The following SLC30A7 variants were observed in gnomAD, a reference collection of about 807,000 sequenced individuals.
The protein encoded by SLC30A7 is solute carrier family 30 member 7, also known as zinc transporter 7.
A neutral mutation model predicts 46.0 loss-of-function variants in SLC30A7; 35 were observed. The ratio of observed to expected loss-of-function variants is 0.76; its 90% CI spans 0.58 to 1.01. The LOEUF (loss-of-function observed/expected upper bound fraction) is 1.01, where lower values mean the gene tolerates loss of function less well. Among genes scored for constraint, SLC30A7 ranks in the 50% least tolerant of loss-of-function variants. SLC30A7 has a pLI of 0.00. For missense variants in SLC30A7, 464 were observed against 451.1 expected, an observed-to-expected ratio of 1.03 and a Z score of -0.26; for synonymous variants, 147 against 157.8, an observed-to-expected ratio of 0.93 and a Z score of 0.51.
chr1:100,916,438 G>T (rs1310440132), intron 6 of SLC30A7, among the ~76,000 whole-genome samples: 1 of 152,112 alleles, frequency 6.6e-6, no homozygotes, highest in Non-Finnish European at 1.5e-5. Context: ...ACCTGCCTTG[G>T]CCTCCCGAAC....
At chr1:100,961,560 T>G (rs1275239750) in intron 8 of SLC30A7, among the ~76,000 whole-genome samples, 1 of 152,244 alleles carries the variant, frequency 6.6e-6, no homozygotes, top group African/African-American at 2.4e-5. Flanking sequence ...GTTGAAAATG[T>G]GCTGGGTTTA....
chr1:100,983,396 CA>C (rs760912885), downstream of SLC30A7, among the ~76,000 whole-genome samples: 15,388 of 116,938 alleles, frequency 0.13, 939 homozygotes, highest in Non-Finnish European at 0.17. Context: ...AAAAACAAAA[CA>C]AAACAAAACA....
chr1:100,948,995 A>G (rs924453201), intron 8 of SLC30A7, among the ~76,000 whole-genome samples: 1 of 152,062 alleles, frequency 6.6e-6, no homozygotes, highest in African/African-American at 2.4e-5. Flanking sequence ...TTTAGCTTGG[A>G]GAAGTTTGTT....
At chr1:100,913,376 A>G (rs558955171) in intron 5 of SLC30A7, among the ~76,000 whole-genome samples, 1 of 152,214 alleles carries the variant, frequency 6.6e-6, no homozygotes, top group Non-Finnish European at 1.5e-5. Flanking sequence ...TCTCAAATGA[A>G]TGAATATCAT....
Position 100,896,175 on chromosome 1 carries a change from C to G in SLC30A7, c.-88C>G. The G allele has an allele frequency of 8.6e-7, 1 of 1,169,528 alleles. No individual in the cohort carries two copies. The highest frequency in any genetic ancestry group is 1.3e-6 in the Non-Finnish European group (1 of 781,476). The allele number at this position is 1,169,528 out of a possible 1,614,324, so 72.4% of individuals were successfully genotyped here. ...GCCCCGGACAAGCGCTGGGGATTCC[C>G]GTTTGAGGCGTCACTACTGTCACTG... On this transcript the variant is annotated 5_prime_UTR_variant, in exon 1 of 11. Coordinates refer to ENST00000357650, the MANE Select transcript of SLC30A7 (RefSeq NM_133496.5).
chr1:100,900,490 T>G (rs1036297747), intron 2 of SLC30A7, among the ~76,000 whole-genome samples: 6 of 152,200 alleles, frequency 3.9e-5, no homozygotes, highest in Non-Finnish European at 8.8e-5. Context: ...TATCTTAGTC[T>G]TTTAAAATCA....
the SLC30A7 span, chr1:100,992,514 G>T: frequency 1.6e-6 from 1 of 621,056 alleles, no homozygotes; most frequent in Non-Finnish European, 2.6e-6. Flanking sequence ...AAAATGACAA[G>T]AAATAGTACA....
chr1:100,931,267 C>T (rs1653649386), intron 8 of SLC30A7, among the ~76,000 whole-genome samples: 1 of 152,158 alleles, frequency 6.6e-6, no homozygotes, highest in African/African-American at 2.4e-5. Flanking sequence ...TTCAGTACAA[C>T]TACCAATAAA....
At chr1:100,993,559 AATATATATAT>A in the SLC30A7 span, among the ~76,000 whole-genome samples, 343 of 56,538 alleles carry the variant, frequency 6.1e-3, 9 homozygotes, top group African/African-American at 0.017. Flanking sequence ...CGAAAATATA[AATATATATAT>A]ATATATATAT....
At position 100,976,578 on chromosome 1, in the gene SLC30A7, T is replaced by C. The variant is rs1463543341; in HGVS notation, c.*1721T>C. 2.0e-5 allele frequency: 3 copies of C among 152,366 alleles called. No homozygotes were observed. The highest frequency in any genetic ancestry group is 7.2e-5 in the African/African-American group (3 of 41,582). The allele number at this position is 152,366 out of a possible 1,614,324, so 9.4% of individuals were successfully genotyped here. On this transcript the variant is annotated 3_prime_UTR_variant, in exon 11 of 11. Coordinates refer to ENST00000357650, the MANE Select transcript of SLC30A7 (RefSeq NM_133496.5). ...TTTTCCCTTATACTTCATTTTACAA[T>C]ACATATTCCCTTTTAACTTAAAAAA... is the stretch of plus-strand genomic sequence containing the variant.
At chr1:100,950,858 A>G (rs1036127072) in intron 8 of SLC30A7, among the ~76,000 whole-genome samples, 1 of 152,206 alleles carries the variant, frequency 6.6e-6, no homozygotes, top group South Asian at 2.1e-4. Flanking sequence ...CAAGTAGTTT[A>G]TCTGGGAGGT....
rs1455824443 is a variant in SLC30A7, at chr1:100,915,179, TTTTCTTTTC to T, written c.655+1390_655+1398del. ...CCTTCCTCACTTCTTTTCTTTTTTC[TTTTCTTTTC>T]TTTCTTTTCTTTCTTTCTTTCTTTC... On this transcript the variant is annotated intron_variant, in intron 6 of 10. Transcript: ENST00000357650. 3.7e-4 allele frequency among the ~76,000 whole-genome samples: 30 copies of T among 80,800 alleles called. 1 individual carries two copies. In the South Asian group the frequency reaches 9.9e-3, roughly 27 times the overall value. 53.0% of individuals were successfully genotyped at this position (80,800 alleles called of 152,430 possible). A position where few individuals can be genotyped will look rare whatever the true frequency, so the allele number is the denominator to read the frequency against.
At chr1:100,944,338 A>G (rs1489416712) in intron 8 of SLC30A7, among the ~76,000 whole-genome samples, 4 of 152,212 alleles carry the variant, frequency 2.6e-5, no homozygotes, top group African/African-American at 9.6e-5. Flanking sequence ...CCATACCCAG[A>G]CAGAATATGT....
Position 100,981,530 on chromosome 1 carries a change from T to C in SLC30A7, c.*6673T>C, listed in dbSNP as rs1656930594. ...TTCTTAAAATGTTTGAGTACAAGGC[T>C]AAGTTATAATGTCAACTTTCAAAGA... On this transcript the variant is annotated 3_prime_UTR_variant, in exon 11 of 11. Transcript: ENST00000357650. The C allele has an allele frequency of 6.6e-6, 1 of 152,202 alleles. No individual in the cohort carries two copies. The highest frequency in any genetic ancestry group is 2.1e-4 in the South Asian group (1 of 4,830). 9.4% of individuals were successfully genotyped at this position (152,202 alleles called of 1,614,324 possible).
intron 8 of SLC30A7, among the ~76,000 whole-genome samples, chr1:100,935,317 A>G (rs1653891868): frequency 6.6e-6 from 1 of 152,220 alleles, no homozygotes; most frequent in Non-Finnish European, 1.5e-5. Context: ...TTTTATAGGC[A>G]TGAATTCTAG....
Position 100,896,500 on chromosome 1 carries a change from G to A in SLC30A7, c.81-70G>A. Reference sequence around the variant, plus strand: ...ATGTGAACTGGGAGGGTCTTGAAGAGGGTACCCAGCCTCGGGGTCCCGGCA... The same window carrying A: ...ATGTGAACTGGGAGGGTCTTGAAGAAGGTACCCAGCCTCGGGGTCCCGGCA... On this transcript the variant is annotated intron_variant, in intron 1 of 10. Transcript: ENST00000357650. 2.0e-6 allele frequency: 3 copies of A among 1,472,778 alleles called. No homozygotes were observed. In the South Asian group the frequency reaches 3.4e-5, roughly 17 times the overall value. The allele number at this position is 1,472,778 out of a possible 1,614,324, so 91.2% of individuals were successfully genotyped here.
At chr1:100,953,889 C>A (rs1655081506) in intron 8 of SLC30A7, among the ~76,000 whole-genome samples, 2 of 152,138 alleles carry the variant, frequency 1.3e-5, no homozygotes, top group South Asian at 4.1e-4. Flanking sequence ...CTGATTGTTC[C>A]TAAGTATAAT....
intron 5 of SLC30A7, among the ~76,000 whole-genome samples, 156 bp downstream of exon 5, chr1:100,912,394 C>G (rs1419626041): frequency 6.6e-6 from 1 of 152,216 alleles, no homozygotes; most frequent in Non-Finnish European, 1.5e-5. Context: ...TTATGCCCCT[C>G]CATCTCAGTG....
intron 8 of SLC30A7, among the ~76,000 whole-genome samples, chr1:100,953,623 T>C (rs544060355): frequency 2.0e-5 from 3 of 152,306 alleles, no homozygotes; most frequent in African/African-American, 7.2e-5. Context: ...GGGCAGTTCC[T>C]CCAGGTCTCA....
Sources: gnomAD v4.1 joint callset for allele counts (sites outside exome capture counted in the v4.1 genomes callset) on GRCh38, gnomAD v4.1.1 for gene constraint, MANE v1.5 for transcripts, NCBI Gene and HGNC (gene_info 2026-07-23, HGNC 2026-07-21) for gene names.